CDH8: variants seen among roughly 807,000 people sequenced by gnomAD.
The protein encoded by CDH8 is cadherin-8.
A neutral mutation model predicts 68.1 loss-of-function variants in CDH8; 17 were observed. The observed-to-expected ratio is 0.25, with a 90% CI of 0.17 to 0.37. CDH8 has a LOEUF of 0.37. CDH8 is among the 10% of genes least tolerant of loss of function. The pLI is 1.00. For missense variants in CDH8, 763 were observed against 999.3 expected, an observed-to-expected ratio of 0.76 and a Z score of 3.19; for synonymous variants, 372 against 365.1, an observed-to-expected ratio of 1.02 and a Z score of -0.21.
In CDH8 at chr16:62,021,172, C is replaced by G; in HGVS notation, c.232G>C (p.Glu78Gln). 1 of 1,613,918 alleles carries G rather than the reference C, an allele frequency of 6.2e-7. No individual in the cohort carries two copies. ...MFVLEEFSGP[E>Q]PILVGRLHTD... Reference sequence around the variant, plus strand: ...CTTACCCGGCCAACAAGAATCGGTTCAGGTCCAGAAAACTCTTCCAGGACA... The same window carrying G: ...CTTACCCGGCCAACAAGAATCGGTTGAGGTCCAGAAAACTCTTCCAGGACA... The change falls in exon 2 of 12, where the codon GAA (glutamate) becomes CAA (glutamine). Residue 78 changes from glutamate to glutamine, a missense_variant. Around this residue, in one of 2 missense-constraint regions of CDH8, gnomAD observed 366 missense variants for 563.1 expected, o/e 0.65. Coordinates refer to ENST00000577390, the MANE Select transcript of CDH8 (RefSeq NM_001796.5).
chr16:62,027,486 G>A (rs1337801928), intron 1 of CDH8, among the ~76,000 whole-genome samples: 1 of 152,186 alleles, frequency 6.6e-6, no homozygotes, highest in African/African-American at 2.4e-5. Flanking sequence ...TATTGTGGTT[G>A]ACAGGAAACT....
At chr16:61,840,967 A>AT (rs1962671961) in intron 4 of CDH8, among the ~76,000 whole-genome samples, 1 of 152,166 alleles carries the variant, frequency 6.6e-6, no homozygotes, top group African/African-American at 2.4e-5. Flanking sequence ...TAAAGAAAAT[A>AT]GAAAAGAAAA....
chr16:61,692,876 T>C (rs1279173292), intron 10 of CDH8: 1 of 152,148 alleles, frequency 6.6e-6, no homozygotes, highest in Non-Finnish European at 1.5e-5. Context: ...GTTAGTATAA[T>C]GTAGTATAAT....
At chr16:61,675,526 C>A (rs1301534396) in intron 10 of CDH8, among the ~76,000 whole-genome samples, 5 of 148,998 alleles carry the variant, frequency 3.4e-5, no homozygotes, top group Non-Finnish European at 5.9e-5. Flanking sequence ...GTGCAGCACA[C>A]CAGCATGGCA....
chr16:61,874,148 G>A (rs1471000726), intron 3 of CDH8, among the ~76,000 whole-genome samples: 2 of 151,852 alleles, frequency 1.3e-5, no homozygotes, highest in Non-Finnish European at 2.9e-5. Context: ...CTCATCTCAT[G>A]TACCCCCAAA....
At chr16:61,986,172 C>T (rs1965624359) in intron 2 of CDH8, among the ~76,000 whole-genome samples, 2 of 152,060 alleles carry the variant, frequency 1.3e-5, no homozygotes, top group Admixed American at 6.5e-5. Flanking sequence ...GATCTGCCTG[C>T]CTCAGCCTCC....
intron 1 of CDH8, among the ~76,000 whole-genome samples, chr16:62,024,897 A>G (rs1902160974): frequency 6.6e-6 from 1 of 152,230 alleles, no homozygotes; most frequent in African/African-American, 2.4e-5. Flanking sequence ...GAAATATTTC[A>G]TGAGCATATA....
chr16:61,655,724 GA>G lies in CDH8; in HGVS notation c.1655-4del. On this transcript the variant is annotated splice_region_variant and splice_polypyrimidine_tract_variant and intron_variant, in intron 10 of 11. Coordinates refer to ENST00000577390, the MANE Select transcript of CDH8 (RefSeq NM_001796.5). ...TGCCAAAATACTGAGGGAATTATCT[GA>G]AAAAAGTAAAAATTACAATAATTTG... The G allele has an allele frequency of 6.2e-7, 1 of 1,609,794 alleles. No homozygotes were observed. The highest frequency in any genetic ancestry group is 8.5e-7 in the Non-Finnish European group (1 of 1,177,826).
chr16:61,694,788 G>C, intron 10 of CDH8, among the ~76,000 whole-genome samples: 1 of 151,980 alleles, frequency 6.6e-6, no homozygotes, highest in East Asian at 1.9e-4. Context: ...TGGTGGTGGT[G>C]GTGGTGGTTT....
intron 8 of CDH8, among the ~76,000 whole-genome samples, chr16:61,753,131 C>T (rs1960214731): frequency 1.3e-5 from 2 of 152,034 alleles, no homozygotes; most frequent in South Asian, 4.1e-4. Flanking sequence ...ATACTAACAT[C>T]TTGTGTAGTT....
Position 61,986,731 on chromosome 16 carries a change from C to T in CDH8, c.252+34421G>A, listed in dbSNP as rs1965635799. Among the ~76,000 whole-genome samples the T allele has an allele frequency of 2.6e-5, 4 of 152,154 alleles. No individual in the cohort carries two copies. The South Asian group carries it at 6.2e-4, about 24-fold the overall frequency. On this transcript the variant is annotated intron_variant, in intron 2 of 11. Transcript: ENST00000577390. ...TTAGAGAATCAGAATAGGTAATCCTCTAGCTTAATCATGGAGTCTGTGAGA... is the reference window on the plus strand; with the variant it reads ...TTAGAGAATCAGAATAGGTAATCCTTTAGCTTAATCATGGAGTCTGTGAGA...
chr16:61,982,660 G>A (rs1007582532), intron 2 of CDH8, among the ~76,000 whole-genome samples: 1 of 152,134 alleles, frequency 6.6e-6, no homozygotes, highest in Non-Finnish European at 1.5e-5. Context: ...TTTAAAAAAT[G>A]CCAGGTCCAT....
intron 7 of CDH8, among the ~76,000 whole-genome samples, chr16:61,799,111 G>T (rs142137895): frequency 6.6e-6 from 1 of 152,080 alleles, no homozygotes; most frequent in Non-Finnish European, 1.5e-5. Flanking sequence ...AAGCCCAATC[G>T]ATTTCTATGA....
intron 2 of CDH8, among the ~76,000 whole-genome samples, chr16:61,995,382 T>C (rs1341244883): frequency 6.6e-6 from 1 of 152,112 alleles, no homozygotes; most frequent in African/African-American, 2.4e-5. Flanking sequence ...GCTGTTACTT[T>C]CACTTTTTTT....
intron 2 of CDH8, among the ~76,000 whole-genome samples, chr16:62,008,406 C>G (rs1597122775): frequency 6.6e-6 from 1 of 152,218 alleles, no homozygotes; most frequent in Middle Eastern, 3.4e-3. Context: ...GGGAGAGTCT[C>G]CATGTTTATT....
chr16:61,918,999 T>TCCCTGAC (rs1440882695), intron 2 of CDH8, among the ~76,000 whole-genome samples: 9 of 146,960 alleles, frequency 6.1e-5, no homozygotes, highest in African/African-American at 1.8e-4. Flanking sequence ...TTCAAGTGGG[T>TCCCTGAC]CCCTGACCCT....
At chr16:61,670,267 G>T (rs1161805910) in intron 10 of CDH8, among the ~76,000 whole-genome samples, 5 of 152,062 alleles carry the variant, frequency 3.3e-5, no homozygotes, top group Non-Finnish European at 7.4e-5. Flanking sequence ...CAAACAGCCT[G>T]AGGATTTTGT....
intron 1 of CDH8, among the ~76,000 whole-genome samples, chr16:62,029,675 G>A (rs978214894): frequency 9.2e-5 from 14 of 152,086 alleles, no homozygotes; most frequent in Admixed American, 9.2e-4. Context: ...AAAAAACATT[G>A]CCTGGTACAT....
intron 8 of CDH8, among the ~76,000 whole-genome samples, chr16:61,769,810 T>C (rs925574328): frequency 2.6e-5 from 4 of 151,956 alleles, no homozygotes; most frequent in Non-Finnish European, 5.9e-5. Context: ...CTGGATAAAA[T>C]GAACATGCCA....
Sources: allele counts gnomAD v4.1 joint callset (sites outside exome capture counted in the v4.1 genomes callset), GRCh38; gene constraint gnomAD v4.1.1; regional missense constraint gnomAD v4.1.1; transcripts MANE v1.5; gene names NCBI Gene and HGNC (gene_info 2026-07-23, HGNC 2026-07-21).